The following ZFHX3 variants were observed in gnomAD, a reference collection of about 807,000 sequenced individuals.
ZFHX3 encodes the protein zinc finger homeobox 3, also known as zinc finger homeobox protein 3.
In ZFHX3, 42 loss-of-function variants were observed where a neutral mutation model predicts 279.1. That is an observed-to-expected ratio of 0.15 (90% CI 0.12 to 0.19). The LOEUF (loss-of-function observed/expected upper bound fraction) is 0.19. ZFHX3 is among the 10% of genes least tolerant of loss of function. The probability of loss-of-function intolerance (pLI) is 1.00; values close to 1 mark genes in which losing one functional copy is unlikely to be tolerated. For missense variants in ZFHX3, 4,981 were observed against 4,754.0 expected (o/e 1.05, Z -1.40); for synonymous variants, 2,293 against 1,957.8 (o/e 1.17, Z -4.52).
intron 1 of ZFHX3, among the ~76,000 whole-genome samples, chr16:73,807,803 C>T (rs1348697750): frequency 6.6e-6 from 1 of 151,788 alleles, no homozygotes; most frequent in Non-Finnish European, 1.5e-5. Context: ...AGACATCCCA[C>T]CTACCCACCC....
At chr16:73,545,988 A>C (rs917246119) in intron 2 of ZFHX3, among the ~76,000 whole-genome samples, 5 of 152,180 alleles carry the variant, frequency 3.3e-5, no homozygotes, top group Non-Finnish European at 5.9e-5. Context: ...AGCTTTTCAA[A>C]AGAACATCCC....
intron 8 of ZFHX3, among the ~76,000 whole-genome samples, chr16:73,089,072 A>C (rs1008413085): frequency 1.3e-5 from 2 of 152,150 alleles, no homozygotes; most frequent in Admixed American, 6.5e-5. Context: ...GGCAAAGGTA[A>C]TGTTACACCT....
chr16:73,195,657 T>C (rs1968129893), intron 5 of ZFHX3, among the ~76,000 whole-genome samples: 1 of 152,142 alleles, frequency 6.6e-6, no homozygotes, highest in South Asian at 2.1e-4. Context: ...GACCTTGTGA[T>C]CCATCTGCCT....
chr16:73,291,468 G>A (rs2014769181), intron 4 of ZFHX3, among the ~76,000 whole-genome samples: 1 of 152,204 alleles, frequency 6.6e-6, no homozygotes, highest in African/African-American at 2.4e-5. Flanking sequence ...ACGTGTGAAG[G>A]ATCATGTAAA....
At chr16:73,777,687 G>C (rs1214544539) in intron 1 of ZFHX3, among the ~76,000 whole-genome samples, 1 of 151,898 alleles carries the variant, frequency 6.6e-6, no homozygotes, top group East Asian at 1.9e-4. Context: ...TACTTACTCT[G>C]TGCCAGTTAT....
At chr16:72,992,209 G>A (rs537903073) in intron 1 of ZFHX3, among the ~76,000 whole-genome samples, 394 of 152,210 alleles carry the variant, frequency 2.6e-3, no homozygotes, top group Non-Finnish European at 4.9e-3. Context: ...GCGTTTCTCC[G>A]CCTTCCTCCA....
chr16:73,848,276 C>G (rs964099483), intron 1 of ZFHX3, among the ~76,000 whole-genome samples: 2 of 152,062 alleles, frequency 1.3e-5, no homozygotes, highest in African/African-American at 4.8e-5. Flanking sequence ...CCTAGACTCT[C>G]TTAGGAGCAC....
At chr16:72,917,968 G>A (rs1459958646) in intron 3 of ZFHX3, among the ~76,000 whole-genome samples, 3 of 152,162 alleles carry the variant, frequency 2.0e-5, no homozygotes, top group Non-Finnish European at 2.9e-5. Context: ...GAATAAACAC[G>A]ATGAAGAAAA....
At chr16:73,667,145 C>T (rs2052851014) in intron 2 of ZFHX3, among the ~76,000 whole-genome samples, 1 of 152,188 alleles carries the variant, frequency 6.6e-6, no homozygotes, top group East Asian at 1.9e-4. Context: ...GTGCCCGCCA[C>T]CACGCCCGGC....
Position 73,026,305 on chromosome 16 carries a change from G to A in ZFHX3, c.-50+21447C>T, listed in dbSNP as rs9935911. On this transcript the variant is annotated intron_variant, in intron 1 of 9. Transcript: ENST00000268489. The stretch of plus-strand genomic sequence containing the variant: ...GGAGAACTGCTTGAACCCAGGAGGC[G>A]GAGGTTGCAGTGAGCCGAGATCACA... Among the ~76,000 whole-genome samples, 1,248 of 150,582 alleles carry A rather than the reference G, an allele frequency of 8.3e-3. 18 individuals are homozygous for A. Among genetic ancestry groups the A allele is most frequent in the African/African-American group, 0.029 (1,166 of 40,910 alleles).
intron 1 of ZFHX3, among the ~76,000 whole-genome samples, chr16:73,711,048 G>C (rs573529929): frequency 6.6e-6 from 1 of 152,362 alleles, no homozygotes; most frequent in South Asian, 2.1e-4. Flanking sequence ...AATTGTGAAA[G>C]GAATTTCTTT....
At chr16:72,911,515 C>T (rs1175906248) in intron 3 of ZFHX3, among the ~76,000 whole-genome samples, 1 of 152,214 alleles carries the variant, frequency 6.6e-6, no homozygotes, top group African/African-American at 2.4e-5. Context: ...AGTTTACCTT[C>T]TCGGTCAGAG....
intron 2 of ZFHX3, among the ~76,000 whole-genome samples, chr16:73,473,339 C>CAAAAAAAAAAAAAA (rs11347779): frequency 2.6e-4 from 20 of 76,666 alleles, no homozygotes; most frequent in South Asian, 5.1e-4. Flanking sequence ...TGTCTCAAAG[C>CAAAAAAAAAAAAAA]AAAAAAAAAA....
At chr16:73,766,926 G>T (rs1310824789) in intron 1 of ZFHX3, among the ~76,000 whole-genome samples, 2 of 146,962 alleles carry the variant, frequency 1.4e-5, no homozygotes, top group African/African-American at 2.6e-5. Context: ...TGTGGGTTTT[G>T]CCATTACTTT....
chr16:73,851,510 C>G (rs893553234), intron 1 of ZFHX3, among the ~76,000 whole-genome samples: 1 of 152,092 alleles, frequency 6.6e-6, no homozygotes, highest in Non-Finnish European at 1.5e-5. Context: ...TTCTCATTTG[C>G]TAAATGGATA....
intron 5 of ZFHX3, among the ~76,000 whole-genome samples, chr16:73,214,926 T>C (rs937113360): frequency 7.9e-6 from 1 of 126,284 alleles, no homozygotes; most frequent in Non-Finnish European, 1.6e-5. Context: ...CCACACCAAC[T>C]CCTCTGTGGG....
intron 3 of ZFHX3, among the ~76,000 whole-genome samples, chr16:73,363,489 T>A (rs1410778136): frequency 6.6e-6 from 1 of 152,178 alleles, no homozygotes; most frequent in Non-Finnish European, 1.5e-5. Context: ...GAATATGCAC[T>A]CAACGTAGAT....
intron 5 of ZFHX3, among the ~76,000 whole-genome samples, chr16:73,246,962 C>G (rs1198448647): frequency 1.3e-5 from 2 of 152,102 alleles, no homozygotes; most frequent in Admixed American, 6.5e-5. Flanking sequence ...GCACTGAGTG[C>G]CAGTGTGGAT....
At chr16:73,640,089 G>A (rs1334631374) in intron 2 of ZFHX3, among the ~76,000 whole-genome samples, 1 of 152,162 alleles carries the variant, frequency 6.6e-6, no homozygotes, top group African/African-American at 2.4e-5. Flanking sequence ...AAGACAGAAG[G>A]CTTATTTTAG....
Sources: gnomAD v4.1 joint callset for allele counts (sites outside exome capture counted in the v4.1 genomes callset) on GRCh38, gnomAD v4.1.1 for gene constraint, MANE v1.5 for transcripts, NCBI Gene and HGNC (gene_info 2026-07-23, HGNC 2026-07-21) for gene names.